The following CIMAP1D variants were observed in gnomAD, a reference collection of about 807,000 sequenced individuals.
CIMAP1D encodes protein CIMAP1D.
the CIMAP1D span, among the ~76,000 whole-genome samples, chr19:472,981 T>C: frequency 1.7e-4 from 17 of 97,386 alleles, no homozygotes; most frequent in African/African-American, 6.1e-4. Context: ...CAGAGATACA[T>C]GGTCACAGAT....
At chr19:483,590 G>T in the CIMAP1D span, among the ~76,000 whole-genome samples, 1 of 152,248 alleles carries the variant, frequency 6.6e-6, no homozygotes, top group Non-Finnish European at 1.5e-5. Context: ...GACACCTGTG[G>T]TCGTCACGAC....
the CIMAP1D span, among the ~76,000 whole-genome samples, chr19:481,531 G>GATGATGGGGAAGGATGATGGGGAAGC: frequency 6.9e-6 from 1 of 145,558 alleles, no homozygotes; most frequent in Non-Finnish European, 1.5e-5. Context: ...GATGGGGAAG[G>GATGATGGGGAAGGATGATGGGGAAGC]ATGATGGAGG....
chr19:490,870 G>A, the CIMAP1D span, among the ~76,000 whole-genome samples: 4,435 of 152,306 alleles, frequency 0.029, 230 homozygotes, highest in East Asian at 0.22. Context: ...AGGCCAAGGC[G>A]GGCGGATCAC....
chr19:464,807 G>C, the CIMAP1D span, among the ~76,000 whole-genome samples: 1 of 152,228 alleles, frequency 6.6e-6, no homozygotes, highest in African/African-American at 2.4e-5. Context: ...GAGTTGATGG[G>C]TGAACAGGAT....
chr19:469,649 C>G, the CIMAP1D span, among the ~76,000 whole-genome samples: 2 of 152,074 alleles, frequency 1.3e-5, no homozygotes, highest in Non-Finnish European at 2.9e-5. Context: ...CGAGATCGCA[C>G]CACTGCACTC....
chr19:483,664 G>A, the CIMAP1D span, among the ~76,000 whole-genome samples: 1,089 of 152,300 alleles, frequency 7.2e-3, 10 homozygotes, highest in African/African-American at 0.024. Flanking sequence ...TGCAGTGGCC[G>A]GGACCACCCC....
chr19:488,927 C>G, the CIMAP1D span, among the ~76,000 whole-genome samples: 1 of 152,080 alleles, frequency 6.6e-6, no homozygotes, highest in South Asian at 2.1e-4. Flanking sequence ...AGGAGACCGA[C>G]CACGGGGCGA....
chr19:463,761 C>T, the CIMAP1D span: 12 of 1,517,530 alleles, frequency 7.9e-6, 1 homozygote, highest in South Asian at 7.3e-5. Flanking sequence ...CAGCCCCTCT[C>T]GCCTTCTAGC....
At chr19:476,748 G>T in the CIMAP1D span, among the ~76,000 whole-genome samples, 1 of 152,132 alleles carries the variant, frequency 6.6e-6, no homozygotes, top group African/African-American at 2.4e-5. Flanking sequence ...AATATATTTA[G>T]AAGTTAAACA....
chr19:472,493 G>A, the CIMAP1D span: 2 of 1,542,166 alleles, frequency 1.3e-6, no homozygotes, highest in African/African-American at 2.8e-5. Context: ...TACAAGCCTG[G>A]CCCCGAGCCT....
chr19:478,720 G>A, the CIMAP1D span, among the ~76,000 whole-genome samples: 1 of 152,276 alleles, frequency 6.6e-6, no homozygotes, highest in African/African-American at 2.4e-5. Flanking sequence ...AAGGGAGGCT[G>A]GACCGGATGA....
the CIMAP1D span, among the ~76,000 whole-genome samples, chr19:488,940 C>G: frequency 6.6e-6 from 1 of 152,032 alleles, no homozygotes; most frequent in African/African-American, 2.4e-5. Flanking sequence ...CGGGGCGAGA[C>G]AGCCGCCAGG....
At chr19:479,827 T>C in the CIMAP1D span, among the ~76,000 whole-genome samples, 1,968 of 151,772 alleles carry the variant, frequency 0.013, 46 homozygotes, top group South Asian at 0.072. Flanking sequence ...TGAGCCACCA[T>C]GCCCGGCCCC....
chr19:480,920 GGGGAAGGATGAT>G, the CIMAP1D span, among the ~76,000 whole-genome samples: 21 of 81,512 alleles, frequency 2.6e-4, no homozygotes, highest in South Asian at 8.4e-4. Flanking sequence ...GAAGGATGAT[GGGGAAGGATGAT>G]GGGAAGGATG....
the CIMAP1D span, chr19:464,342 A>G: frequency 6.5e-7 from 1 of 1,542,040 alleles, no homozygotes; most frequent in Non-Finnish European, 8.8e-7. Flanking sequence ...TGTAGGCCCC[A>G]GGGCCTGGCG....
the CIMAP1D span, among the ~76,000 whole-genome samples, chr19:484,139 CTTTT>C: frequency 0.014 from 1,855 of 129,318 alleles, 25 homozygotes; most frequent in African/African-American, 0.048. Context: ...TTTTCTTTTT[CTTTT>C]TTTTTTTTTT....
At chr19:468,472 G>C in the CIMAP1D span, among the ~76,000 whole-genome samples, 1 of 152,174 alleles carries the variant, frequency 6.6e-6, no homozygotes, top group Non-Finnish European at 1.5e-5. Context: ...GCTCGGCGTT[G>C]GACCACGTTC....
chr19:468,460 G>A, the CIMAP1D span, among the ~76,000 whole-genome samples: 4 of 152,150 alleles, frequency 2.6e-5, no homozygotes, highest in Non-Finnish European at 5.9e-5. Context: ...CTTAAGAGGG[G>A]GGCTCGGCGT....
At chr19:474,332 G>A in the CIMAP1D span, among the ~76,000 whole-genome samples, 19 of 152,192 alleles carry the variant, frequency 1.2e-4, no homozygotes, top group African/African-American at 1.9e-4. Context: ...TCCTCCCCGC[G>A]TCTCCCGCAT....
Sources: gnomAD v4.1 joint callset for allele counts (sites outside exome capture counted in the v4.1 genomes callset) on GRCh38, gnomAD v4.1.1 for gene constraint, MANE v1.5 for transcripts, NCBI Gene and HGNC (gene_info 2026-07-23, HGNC 2026-07-21) for gene names.